The following BTBD9 variants were observed in gnomAD, a reference collection of about 807,000 sequenced individuals.
BTBD9 encodes BTB/POZ domain-containing protein 9.
Under a neutral mutation model 64.3 loss-of-function variants are expected in BTBD9, and 49 were observed. The ratio of observed to expected loss-of-function variants is 0.76; its 90% CI spans 0.61 to 0.97. The LOEUF (loss-of-function observed/expected upper bound fraction) is 0.97. Ranked by LOEUF, BTBD9 falls within the 50% of genes least tolerant of loss-of-function variation. The probability of loss-of-function intolerance (pLI) is 0.00; values close to 1 mark genes in which losing one functional copy is unlikely to be tolerated. For missense variants in BTBD9, 598 were observed against 762.1 expected (o/e 0.78, Z 2.53); for synonymous variants, 260 against 274.7 (o/e 0.95, Z 0.53).
intron 6 of BTBD9, among the ~76,000 whole-genome samples, chr6:38,399,980 T>C (rs985830383): frequency 6.6e-6 from 1 of 151,880 alleles, no homozygotes; most frequent in Non-Finnish European, 1.5e-5. Flanking sequence ...CATGCTGGTC[T>C]TGAACTCCTG....
intron 3 of BTBD9, 127 bp downstream of exon 3, chr6:38,593,837 T>C (rs1040331727): frequency 2.4e-6 from 2 of 836,392 alleles, no homozygotes; most frequent in Non-Finnish European, 3.7e-6. Flanking sequence ...CTAGACCAGA[T>C]AACCAATGAT....
intron 6 of BTBD9, among the ~76,000 whole-genome samples, chr6:38,459,717 C>T (rs1004579273): frequency 6.6e-6 from 1 of 152,166 alleles, no homozygotes; most frequent in Non-Finnish European, 1.5e-5. Context: ...CTTAGCCTAT[C>T]CTTACCAATA....
intron 1 of BTBD9, among the ~76,000 whole-genome samples, chr6:38,624,132 T>C (rs889270403): frequency 2.0e-5 from 3 of 152,204 alleles, no homozygotes; most frequent in Admixed American, 2.0e-4. Context: ...ATCAGCACTC[T>C]GTAAAACGCA....
At chr6:38,368,513 T>C (rs2294739) in intron 6 of BTBD9, among the ~76,000 whole-genome samples, 1 of 151,840 alleles carries the variant, frequency 6.6e-6, no homozygotes, top group African/African-American at 2.4e-5. Flanking sequence ...TTTTGTATTA[T>C]TAATAGAGAT....
intron 6 of BTBD9, among the ~76,000 whole-genome samples, chr6:38,555,941 G>C (rs1774992726): frequency 6.6e-6 from 1 of 152,170 alleles, no homozygotes; most frequent in Non-Finnish European, 1.5e-5. Context: ...TATAACTAAT[G>C]GGATGGGCAG....
At chr6:38,275,126 C>G (rs1210486991) in intron 8 of BTBD9, among the ~76,000 whole-genome samples, 1 of 152,182 alleles carries the variant, frequency 6.6e-6, no homozygotes, top group Admixed American at 6.5e-5. Context: ...ACCAAAACAG[C>G]ATGGTACTGG....
intron 10 of BTBD9, among the ~76,000 whole-genome samples, chr6:38,180,565 G>C (rs1157764265): frequency 6.9e-6 from 1 of 145,172 alleles, no homozygotes; most frequent in Admixed American, 6.8e-5. Context: ...GAGTCTCTTT[G>C]CTCAGAAGCT....
chr6:38,296,034 C>T (rs372434763), intron 7 of BTBD9, among the ~76,000 whole-genome samples: 2 of 151,952 alleles, frequency 1.3e-5, no homozygotes, highest in Admixed American at 6.6e-5. Context: ...GGCAACAAAG[C>T]GAGACTCTGT....
chr6:38,300,798 T>C (rs1376688033), intron 7 of BTBD9, among the ~76,000 whole-genome samples: 2 of 152,220 alleles, frequency 1.3e-5, no homozygotes, highest in African/African-American at 2.4e-5. Flanking sequence ...AATCATGTCA[T>C]CTGCAAACAG....
chr6:38,346,148 G>T (rs1764267676), intron 6 of BTBD9, among the ~76,000 whole-genome samples: 1 of 152,140 alleles, frequency 6.6e-6, no homozygotes, highest in Admixed American at 6.5e-5. Context: ...CCTCCCCTCT[G>T]CTGTGTAAAA....
chr6:38,241,786 C>T (rs777481106), intron 9 of BTBD9, among the ~76,000 whole-genome samples: 8 of 151,808 alleles, frequency 5.3e-5, no homozygotes, highest in Non-Finnish European at 1.0e-4. Flanking sequence ...TGGCTTAAAA[C>T]AGAGGGAAAA....
chr6:38,409,167 T>C (rs1767299381), intron 6 of BTBD9, among the ~76,000 whole-genome samples: 1 of 152,088 alleles, frequency 6.6e-6, no homozygotes, highest in African/African-American at 2.4e-5. Context: ...GGAGAATCGC[T>C]TGAACTAGGG....
chr6:38,554,614 A>C (rs908217968), intron 6 of BTBD9, among the ~76,000 whole-genome samples: 1 of 152,230 alleles, frequency 6.6e-6, no homozygotes, highest in Non-Finnish European at 1.5e-5. Flanking sequence ...TTTGGAAGTT[A>C]CCAGAAAATC....
At chr6:38,272,566 C>A (rs1483241254) in intron 8 of BTBD9, among the ~76,000 whole-genome samples, 3 of 152,076 alleles carry the variant, frequency 2.0e-5, no homozygotes, top group African/African-American at 7.2e-5. Context: ...CAAATAGATG[C>A]AACTAATCTC....
intron 7 of BTBD9, among the ~76,000 whole-genome samples, chr6:38,318,891 T>C (rs1441234749): frequency 6.6e-6 from 1 of 152,242 alleles, no homozygotes; most frequent in African/African-American, 2.4e-5. Context: ...GGTCCAGAGA[T>C]GCTGTGTAGC....
intron 6 of BTBD9, among the ~76,000 whole-genome samples, chr6:38,376,549 A>T (rs1174565118): frequency 1.3e-5 from 2 of 152,228 alleles, no homozygotes; most frequent in African/African-American, 4.8e-5. Flanking sequence ...CAAGTTAAAC[A>T]AAATGAAAAC....
At chr6:38,265,498 ATCTTTTT>A (rs1764941175) in intron 8 of BTBD9, among the ~76,000 whole-genome samples, 1 of 146,732 alleles carries the variant, frequency 6.8e-6, no homozygotes, top group Non-Finnish European at 1.5e-5. Flanking sequence ...AAAACTACCA[ATCTTTTT>A]TTTTTTTTTT....
chr6:38,364,510 T>C (rs1386575270), intron 6 of BTBD9, among the ~76,000 whole-genome samples: 4 of 152,246 alleles, frequency 2.6e-5, no homozygotes, highest in Non-Finnish European at 4.4e-5. Context: ...GGAAATTGGT[T>C]ATTTGCTTTA....
intron 10 of BTBD9, among the ~76,000 whole-genome samples, chr6:38,178,319 C>T (rs1188032424): frequency 6.6e-6 from 1 of 152,212 alleles, no homozygotes; most frequent in Admixed American, 6.5e-5. Context: ...AGGGAACAGC[C>T]TCTGCACACC....
Sources: allele counts gnomAD v4.1 joint callset (sites outside exome capture counted in the v4.1 genomes callset), GRCh38; gene constraint gnomAD v4.1.1; transcripts MANE v1.5; gene names NCBI Gene and HGNC (gene_info 2026-07-23, HGNC 2026-07-21).